USP31: variants seen among roughly 807,000 people sequenced by gnomAD.
The protein encoded by USP31 is ubiquitin specific peptidase 31, also known as ubiquitin carboxyl-terminal hydrolase 31.
USP31 carries 44 observed loss-of-function variants against 119.4 expected under a neutral mutation model. The ratio of observed to expected loss-of-function variants is 0.37; its 90% CI spans 0.29 to 0.47. The LOEUF (loss-of-function observed/expected upper bound fraction) is 0.47. Ranked by LOEUF, USP31 falls within the 20% of genes least tolerant of loss-of-function variation. USP31 has a pLI of 0.99. For missense variants in USP31, 1,643 were observed against 1,730.2 expected (o/e 0.95, Z 0.89); for synonymous variants, 749 against 705.6 (o/e 1.06, Z -0.97).
At chr16:23,138,473 G>A (rs917972071) in intron 1 of USP31, among the ~76,000 whole-genome samples, 5 of 152,100 alleles carry the variant, frequency 3.3e-5, no homozygotes, top group Non-Finnish European at 7.4e-5. Context: ...CCTAGTCTGA[G>A]TGACCATTCT....
intron 6 of USP31, among the ~76,000 whole-genome samples, chr16:23,100,368 A>G (rs535876902): frequency 6.8e-4 from 103 of 152,346 alleles, no homozygotes; most frequent in Admixed American, 1.2e-3. Flanking sequence ...ATGCTACAAC[A>G]TGAATGAATC....
At chr16:23,127,520 T>C (rs1902898278) in intron 1 of USP31, among the ~76,000 whole-genome samples, 1 of 152,140 alleles carries the variant, frequency 6.6e-6, no homozygotes, top group African/African-American at 2.4e-5. Flanking sequence ...TGGAGTGTAG[T>C]GGCACGATCT....
chr16:23,080,159 G>T lies in USP31; in HGVS notation c.1963C>A (p.Arg655Ser). Residue 655 changes from arginine to serine, a missense_variant, in exon 13 of 16, where the codon CGC becomes AGC. This residue lies in a region of USP31 where 279 missense variants were observed against 372.2 expected (regional missense o/e 0.75). Coordinates refer to ENST00000219689, the MANE Select transcript of USP31 (RefSeq NM_020718.4). Reference protein sequence around the residue: ...LKRFRQEGDRRMKLQNMVKFP... With the variant: ...LKRFRQEGDRSMKLQNMVKFP... ...TTGACCATGTTCTGAAGTTTCATGC[G>T]CCTGTCTCCTTCCTGTTGCAAGAAG... 2 of 1,548,084 alleles carry T rather than the reference G, an allele frequency of 1.3e-6. No homozygotes were observed. The highest frequency in any genetic ancestry group is 1.3e-5 in the South Asian group (1 of 79,880).
chr16:23,147,877 G>A (rs981356721), intron 1 of USP31, among the ~76,000 whole-genome samples: 13 of 152,172 alleles, frequency 8.5e-5, no homozygotes, highest in Non-Finnish European at 8.8e-5. Context: ...CCAGGAGTTT[G>A]AGGCTATGTG....
intron 1 of USP31, among the ~76,000 whole-genome samples, chr16:23,108,885 G>A (rs551729924): frequency 2.6e-5 from 4 of 152,230 alleles, no homozygotes; most frequent in African/African-American, 9.6e-5. Context: ...CTTTTATTAT[G>A]TAAGATACAT....
At chr16:23,085,058 C>A in intron 10 of USP31, 69 bp from the exon 11 acceptor site, 1 of 1,565,690 alleles carries the variant, frequency 6.4e-7, no homozygotes, top group Non-Finnish European at 8.7e-7. Context: ...ACAATTATGG[C>A]TTCATGAAGT....
intron 1 of USP31, among the ~76,000 whole-genome samples, chr16:23,121,304 T>C (rs1312783661): frequency 3.3e-5 from 5 of 152,150 alleles, no homozygotes; most frequent in Admixed American, 2.6e-4. Flanking sequence ...GGCTGACTCT[T>C]AGGCCTCCAA....
intron 7 of USP31, among the ~76,000 whole-genome samples, chr16:23,089,278 A>G (rs914884421): frequency 6.6e-6 from 1 of 151,596 alleles, no homozygotes; most frequent in East Asian, 1.9e-4. Context: ...GTCTTCCCTG[A>G]CCTCCCTTCC....
intron 6 of USP31, among the ~76,000 whole-genome samples, chr16:23,097,982 G>C (rs1165141272): frequency 6.6e-6 from 1 of 152,134 alleles, no homozygotes; most frequent in Non-Finnish European, 1.5e-5. Flanking sequence ...GGGCAATCAG[G>C]CAAGAGAAAG....
chr16:23,085,024 G>C, intron 10 of USP31, 35 bp from the exon 11 acceptor site: 4 of 1,608,356 alleles, frequency 2.5e-6, no homozygotes, highest in Non-Finnish European at 3.4e-6. Flanking sequence ...ATCAGGGAAT[G>C]TCTTGCAAAA....
chr16:23,144,904 G>C (rs917874259), intron 1 of USP31, among the ~76,000 whole-genome samples: 2 of 152,198 alleles, frequency 1.3e-5, no homozygotes, highest in Non-Finnish European at 2.9e-5. Flanking sequence ...AAGGGGAAAA[G>C]AATCTAATTA....
rs1046379249 is a variant in USP31, at chr16:23,127,325, A to G, written c.634-19142T>C. 5.0e-5 allele frequency among the ~76,000 whole-genome samples: 7 copies of G among 140,100 alleles called. No individual in the cohort carries two copies. In the Admixed American group the frequency reaches 5.2e-4, roughly 10 times the overall value. 91.9% of individuals were successfully genotyped at this position (140,100 alleles called of 152,430 possible). A position where few individuals can be genotyped will look rare whatever the true frequency, so the allele number is the denominator to read the frequency against. On this transcript the variant is annotated intron_variant, in intron 1 of 15. Transcript: ENST00000219689. ...ACCTGTGGTCCCAGCTACTCCAGGG[A>G]CTGAGGATCACTTGAGCCTGGGAGG... is the stretch of plus-strand genomic sequence containing the variant.
chr16:23,068,490 G>A lies in USP31; in HGVS notation c.3615C>T (p.Arg1205=). The change falls in exon 16 of 16, where the codon CGC becomes CGT. Residue 1205 remains arginine, a synonymous_variant. Transcript: ENST00000219689. ...CAGACTTGATGCTTGTGCTGGGGGA[G>A]CGCAGGCTGGCCATGGAGGAGCTCC... ...HVRSSSMASL[R]SPSTSIKSGL... is the part of the protein sequence containing the mutation. 1.2e-6 allele frequency: 2 copies of A among 1,613,450 alleles called. No homozygotes were observed. Among genetic ancestry groups the A allele is most frequent in the Non-Finnish European group, 1.7e-6 (2 of 1,179,600 alleles).
chr16:23,084,746 A>G, intron 11 of USP31, 114 bp downstream of exon 11: 1 of 1,410,466 alleles, frequency 7.1e-7, no homozygotes. Flanking sequence ...AGACTTACAT[A>G]TATGCAAAAT....
chr16:23,141,575 G>A (rs569342005), intron 1 of USP31, among the ~76,000 whole-genome samples: 5 of 152,080 alleles, frequency 3.3e-5, no homozygotes, highest in South Asian at 2.1e-4. Context: ...ACAGGGTTTC[G>A]CCTGTTGCCC....
chr16:23,132,739 T>C (rs1037808602), intron 1 of USP31, among the ~76,000 whole-genome samples: 2 of 152,228 alleles, frequency 1.3e-5, no homozygotes, highest in Non-Finnish European at 2.9e-5. Flanking sequence ...ATAAAAGTTT[T>C]CTTGGGATTC....
rs574865361 is a variant in USP31 at position 23,065,336 on chromosome 16, A to G, written c.*2710T>C. 2.6e-5 allele frequency: 4 copies of G among 151,736 alleles called. No homozygotes were observed. Among genetic ancestry groups the G allele is most frequent in the South Asian group, 4.2e-4 (2 of 4,806 alleles). 9.4% of individuals were successfully genotyped at this position (151,736 alleles called of 1,614,324 possible). ...GCTGGGAAAATTAAAAAAAAAAAAA[A>G]AAAGAAAAGAAAGAAAGAAACCAAC... On this transcript the variant is annotated 3_prime_UTR_variant, in exon 16 of 16. Transcript: ENST00000219689.
chr16:23,146,530 AAAT>A (rs942062201), intron 1 of USP31, among the ~76,000 whole-genome samples: 3 of 151,902 alleles, frequency 2.0e-5, no homozygotes, highest in Non-Finnish European at 2.9e-5. Context: ...TCCATCTCAA[AAAT>A]AATAATAATA....
rs1900210659 is a variant in USP31, at chr16:23,068,842, G to A, written c.3263C>T (p.Ser1088Leu). ...TTTGGGTTGGGCAGGGGCAGGGGATGAATGCCGTCCACTGCCCCTGGAAGA... is the reference window on the plus strand; with the variant it reads ...TTTGGGTTGGGCAGGGGCAGGGGATAAATGCCGTCCACTGCCCCTGGAAGA... ...DSSSRGSGRH[S>L]SPAPAQPKKE... The change falls in exon 16 of 16, where the codon TCA becomes TTA. Residue 1088 changes from serine to leucine, a missense_variant. Ser to Leu is a moderately radical substitution (Grantham distance 145). Transcript: ENST00000219689. 2 of 1,566,112 alleles carry A rather than the reference G, an allele frequency of 1.3e-6. No homozygotes were observed. Among genetic ancestry groups the A allele is most frequent in the African/African-American group, 1.4e-5 (1 of 73,292 alleles).
Sources: allele counts gnomAD v4.1 joint callset (sites outside exome capture counted in the v4.1 genomes callset), GRCh38; gene constraint gnomAD v4.1.1; regional missense constraint gnomAD v4.1.1; transcripts MANE v1.5; gene names NCBI Gene and HGNC (gene_info 2026-07-23, HGNC 2026-07-21).